Variants in AKAP19 observed in about 807,000 individuals in gnomAD.
AKAP19 encodes A-kinase anchoring protein 19.
At chr2:190,178,288 C>T in the AKAP19 span, among the ~76,000 whole-genome samples, 1 of 152,342 alleles carries the variant, frequency 6.6e-6, no homozygotes, top group East Asian at 1.9e-4. The surrounding 1 kb of genome is among the most constrained non-coding windows in gnomAD (Gnocchi z 6.3). Flanking sequence ...TCTTACATGG[C>T]ACCATCTTGA....
the AKAP19 span, among the ~76,000 whole-genome samples, chr2:190,092,685 T>C: frequency 1.3e-5 from 2 of 152,184 alleles, no homozygotes; most frequent in Non-Finnish European, 2.9e-5. Flanking sequence ...CAAATTATCA[T>C]TCAGAAAGAT....
chr2:190,061,721 T>C, the AKAP19 span, among the ~76,000 whole-genome samples: 3 of 152,056 alleles, frequency 2.0e-5, no homozygotes, highest in African/African-American at 7.2e-5. Context: ...AATTTTTAAC[T>C]GTGAAGAACA....
At chr2:189,992,635 G>A in the AKAP19 span, among the ~76,000 whole-genome samples, 5 of 152,152 alleles carry the variant, frequency 3.3e-5, no homozygotes, top group Non-Finnish European at 7.4e-5. Context: ...TCACAATACT[G>A]ATTCTACTCA....
chr2:189,889,510 C>T, the AKAP19 span, among the ~76,000 whole-genome samples: 1 of 152,174 alleles, frequency 6.6e-6, no homozygotes, highest in Admixed American at 6.5e-5. Flanking sequence ...ATGGTACCCT[C>T]TCCTCTTTGT....
At chr2:190,004,159 A>G in the AKAP19 span, among the ~76,000 whole-genome samples, 4 of 152,078 alleles carry the variant, frequency 2.6e-5, no homozygotes, top group South Asian at 2.1e-4. Context: ...GCTTTAGGAG[A>G]TATACCTAAT....
the AKAP19 span, among the ~76,000 whole-genome samples, chr2:189,979,959 C>T: frequency 1.3e-5 from 2 of 152,166 alleles, no homozygotes; most frequent in Non-Finnish European, 2.9e-5. Context: ...AACACTTATA[C>T]ACTGCTGGTA....
the AKAP19 span, among the ~76,000 whole-genome samples, chr2:189,930,068 T>C: frequency 6.6e-6 from 1 of 152,216 alleles, no homozygotes; most frequent in African/African-American, 2.4e-5. Flanking sequence ...AGGCCTTACA[T>C]AAAAATACCA....
At chr2:190,010,358 G>A in the AKAP19 span, among the ~76,000 whole-genome samples, 1 of 152,196 alleles carries the variant, frequency 6.6e-6, no homozygotes, top group Non-Finnish European at 1.5e-5. Flanking sequence ...TACTTTGAAT[G>A]AGGATGCAGA....
At chr2:190,188,397 A>C in the AKAP19 span, among the ~76,000 whole-genome samples, 2 of 152,226 alleles carry the variant, frequency 1.3e-5, no homozygotes, top group Non-Finnish European at 2.9e-5. Context: ...AAGAAGGCCA[A>C]AACACTTCCT....
the AKAP19 span, among the ~76,000 whole-genome samples, chr2:190,112,584 A>C: frequency 1.3e-5 from 2 of 152,098 alleles, no homozygotes; most frequent in Admixed American, 1.3e-4. Flanking sequence ...TAATTTTCTT[A>C]TAAGCTTTTT....
chr2:190,009,188 T>G, the AKAP19 span, among the ~76,000 whole-genome samples: 1 of 152,130 alleles, frequency 6.6e-6, no homozygotes, highest in Non-Finnish European at 1.5e-5. Context: ...ATGTAAGGCC[T>G]TGTAGAGGAC....
chr2:189,946,252 G>A, the AKAP19 span, among the ~76,000 whole-genome samples: 21 of 152,268 alleles, frequency 1.4e-4, 1 homozygote, highest in South Asian at 4.1e-4. Flanking sequence ...TAAATACAGC[G>A]TTAAAAGATA....
chr2:190,022,782 T>C, the AKAP19 span, among the ~76,000 whole-genome samples: 3 of 152,080 alleles, frequency 2.0e-5, no homozygotes, highest in Non-Finnish European at 2.9e-5. Context: ...TTTTTTGTTA[T>C]AAATGGGGTC....
chr2:190,116,244 G>A, the AKAP19 span, among the ~76,000 whole-genome samples: 1 of 152,122 alleles, frequency 6.6e-6, no homozygotes, highest in African/African-American at 2.4e-5. Context: ...AGAAATTTAT[G>A]GGCTCATGGT....
the AKAP19 span, among the ~76,000 whole-genome samples, chr2:190,091,673 A>C: frequency 4.6e-5 from 7 of 152,174 alleles, no homozygotes; most frequent in Non-Finnish European, 8.8e-5. Context: ...TAGAGGCCAA[A>C]CTTTCGATCT....
At chr2:190,074,383 G>A in the AKAP19 span, among the ~76,000 whole-genome samples, 3 of 152,078 alleles carry the variant, frequency 2.0e-5, no homozygotes, top group Non-Finnish European at 2.9e-5. Context: ...CAGGTGCGGT[G>A]GCTTCACACC....
the AKAP19 span, among the ~76,000 whole-genome samples, chr2:189,948,083 A>G: frequency 6.6e-6 from 1 of 152,190 alleles, no homozygotes; most frequent in Non-Finnish European, 1.5e-5. Context: ...TCACAGCGGT[A>G]AGTACATTGT....
chr2:189,945,742 TTTATG>T, the AKAP19 span, among the ~76,000 whole-genome samples: 1 of 152,180 alleles, frequency 6.6e-6, no homozygotes, highest in Admixed American at 6.5e-5. Context: ...CCAGGGGTCC[TTTATG>T]TTATGTTATA....
the AKAP19 span, among the ~76,000 whole-genome samples, chr2:189,977,940 T>C: frequency 2.6e-5 from 4 of 152,250 alleles, no homozygotes; most frequent in Admixed American, 2.6e-4. Context: ...TTCAGTACAA[T>C]ATTCAATAAA....
Sources: allele counts gnomAD v4.1 joint callset (sites outside exome capture counted in the v4.1 genomes callset), GRCh38; gene constraint gnomAD v4.1.1; non-coding constraint Gnocchi (gnomAD v3.1); transcripts MANE v1.5; gene names NCBI Gene and HGNC (gene_info 2026-07-23, HGNC 2026-07-21).